The following MECOM variants were observed in gnomAD, a reference collection of about 807,000 sequenced individuals.
The protein encoded by MECOM is MDS1 and EVI1 complex locus.
Under a neutral mutation model 116.3 loss-of-function variants are expected in MECOM, and 13 were observed. The ratio of observed to expected loss-of-function variants is 0.11; its 90% CI spans 0.07 to 0.18. The LOEUF is 0.18. Ranked by LOEUF, MECOM falls within the 10% of genes least tolerant of loss-of-function variation. The pLI, the probability that MECOM is intolerant of heterozygous loss-of-function variation, is 1.00. For synonymous variants in MECOM, 528 were observed against 535.2 expected (o/e 0.99, Z 0.19); for missense variants, 1,299 against 1,509.0 (o/e 0.86, Z 2.31).
rs555397299 is a variant in MECOM, at chr3:169,395,615, G to A, written c.38-14091C>T. Among the ~76,000 whole-genome samples, 13 of 152,068 alleles carry A rather than the reference G, an allele frequency of 8.5e-5. No homozygotes were observed. The South Asian group carries it at 2.5e-3, about 29-fold the overall frequency. Reference sequence around the variant, plus strand: ...CATTGCAACCTTTTCAAACAAATTTGTTTTTCTTTTAAAAGAAAAAAGGAA... The same window carrying A: ...CATTGCAACCTTTTCAAACAAATTTATTTTTCTTTTAAAAGAAAAAAGGAA... On this transcript the variant is annotated intron_variant, in intron 1 of 16. Transcript: ENST00000651503.
At chr3:169,622,467 C>T (rs962110996) in intron 1 of MECOM, among the ~76,000 whole-genome samples, 2 of 152,176 alleles carry the variant, frequency 1.3e-5, no homozygotes, top group African/African-American at 4.8e-5. Context: ...CTCCATGTAG[C>T]TAAGACCCCA....
chr3:169,318,944 C>A (rs1720307678), intron 2 of MECOM, among the ~76,000 whole-genome samples: 2 of 151,868 alleles, frequency 1.3e-5, no homozygotes, highest in South Asian at 4.2e-4. Context: ...ATTAAAAATA[C>A]AAAAATTAGC....
chr3:169,142,008 A>G (rs1738251145), intron 3 of MECOM, among the ~76,000 whole-genome samples: 1 of 151,978 alleles, frequency 6.6e-6, no homozygotes, highest in Admixed American at 6.5e-5. Flanking sequence ...TCTTTTGAAA[A>G]CAATGGATTT....
intron 1 of MECOM, among the ~76,000 whole-genome samples, chr3:169,575,822 A>T: frequency 6.6e-6 from 1 of 152,106 alleles, no homozygotes. Flanking sequence ...ATCCAAGGAA[A>T]TAAAGCAGAA....
intron 1 of MECOM, among the ~76,000 whole-genome samples, chr3:169,384,961 G>A (rs1001427386): frequency 3.3e-5 from 5 of 151,732 alleles, no homozygotes; most frequent in South Asian, 2.1e-4. Flanking sequence ...AAAATTAGCC[G>A]GGCATAGTGG....
intron 2 of MECOM, among the ~76,000 whole-genome samples, chr3:169,355,428 A>C (rs1727099619): frequency 1.3e-5 from 2 of 151,968 alleles, no homozygotes; most frequent in African/African-American, 4.8e-5. Flanking sequence ...TAATTTGTGG[A>C]AACTAGGATT....
At chr3:169,363,593 T>C (rs1728676435) in intron 2 of MECOM, among the ~76,000 whole-genome samples, 1 of 151,954 alleles carries the variant, frequency 6.6e-6, no homozygotes, top group Non-Finnish European at 1.5e-5. Flanking sequence ...AATAGACTGC[T>C]GGCTCTCTTT....
intron 2 of MECOM, among the ~76,000 whole-genome samples, chr3:169,209,033 A>G (rs992829238): frequency 6.6e-6 from 1 of 152,160 alleles, no homozygotes; most frequent in Non-Finnish European, 1.5e-5. Context: ...GACCTCAGAA[A>G]TAACACTACA....
intron 2 of MECOM, among the ~76,000 whole-genome samples, chr3:169,362,000 T>C (rs1284556602): frequency 6.6e-6 from 1 of 151,938 alleles, no homozygotes; most frequent in Non-Finnish European, 1.5e-5. Context: ...GAGATGCACC[T>C]ATCAAAGGTG....
At chr3:169,254,887 T>C (rs1177473528) in intron 2 of MECOM, among the ~76,000 whole-genome samples, 1 of 152,044 alleles carries the variant, frequency 6.6e-6, no homozygotes, top group African/African-American at 2.4e-5. Context: ...TTGGAGTTTA[T>C]CTGGTTCTAG....
intron 1 of MECOM, among the ~76,000 whole-genome samples, chr3:169,449,734 G>A (rs370283020): frequency 2.0e-5 from 3 of 152,016 alleles, no homozygotes; most frequent in African/African-American, 4.8e-5. Flanking sequence ...GAGACAATAC[G>A]TAAAGAAATA....
At chr3:169,127,610 TTAA>T (rs1397866605) in intron 5 of MECOM, among the ~76,000 whole-genome samples, 1 of 152,160 alleles carries the variant, frequency 6.6e-6, no homozygotes, top group African/African-American at 2.4e-5. Flanking sequence ...ATAACACTAC[TTAA>T]TAATAATATA....
At chr3:169,383,033 A>T (rs960825339) in intron 1 of MECOM, among the ~76,000 whole-genome samples, 1 of 152,110 alleles carries the variant, frequency 6.6e-6, no homozygotes, top group African/African-American at 2.4e-5. Context: ...CCGCAGTTCT[A>T]TCAATTAAAG....
At chr3:169,547,791 C>A (rs189209904) in intron 1 of MECOM, among the ~76,000 whole-genome samples, 3 of 152,052 alleles carry the variant, frequency 2.0e-5, no homozygotes, top group Non-Finnish European at 4.4e-5. Flanking sequence ...CAACTGGAGA[C>A]CAGAGATCCA....
intron 1 of MECOM, among the ~76,000 whole-genome samples, chr3:169,511,505 T>C (rs955400576): frequency 1.3e-5 from 2 of 152,226 alleles, no homozygotes; most frequent in African/African-American, 4.8e-5. Context: ...CTCATGCCTG[T>C]AGTCCCAGCA....
intron 2 of MECOM, chr3:169,149,901 A>G (rs1187367279): frequency 6.2e-6 from 2 of 322,026 alleles, no homozygotes; most frequent in African/African-American, 4.4e-5. Context: ...GGAAGCTAAC[A>G]AAACACTAAA....
chr3:169,638,978 T>C (rs1402971006), intron 1 of MECOM, among the ~76,000 whole-genome samples: 2 of 141,834 alleles, frequency 1.4e-5, no homozygotes, highest in Non-Finnish European at 3.1e-5. Context: ...AGTAGATGTA[T>C]CTTCTCCAAG....
intron 2 of MECOM, among the ~76,000 whole-genome samples, chr3:169,322,285 C>G (rs17679796): frequency 0.06 from 9,127 of 152,128 alleles, 324 homozygotes; most frequent in African/African-American, 0.095. Context: ...ATGGAACCTG[C>G]CAATAGAGGT....
At chr3:169,253,533 T>G (rs1756498802) in intron 2 of MECOM, among the ~76,000 whole-genome samples, 1 of 152,084 alleles carries the variant, frequency 6.6e-6, no homozygotes, top group South Asian at 2.1e-4. Flanking sequence ...TATTATATAT[T>G]TATTCTGAAA....
Sources: allele counts gnomAD v4.1 joint callset (sites outside exome capture counted in the v4.1 genomes callset), GRCh38; gene constraint gnomAD v4.1.1; transcripts MANE v1.5; gene names NCBI Gene and HGNC (gene_info 2026-07-23, HGNC 2026-07-21).